TBCD: variants seen among roughly 807,000 people sequenced by gnomAD.
TBCD encodes the protein tubulin-specific chaperone D.
In TBCD, 105 loss-of-function variants were observed where a neutral mutation model predicts 169.3. The observed-to-expected ratio is 0.62, with a 90% confidence interval of 0.53 to 0.73. The LOEUF is 0.73. Among genes scored for constraint, TBCD ranks in the 30% least tolerant of loss-of-function variants. The pLI is 0.00. For synonymous variants in TBCD, 700 were observed against 643.9 expected (o/e 1.09, Z -1.32); for missense variants, 1,444 against 1,600.1 (o/e 0.90, Z 1.66).
intron 14 of TBCD, among the ~76,000 whole-genome samples, chr17:82,881,466 G>C (rs1052484885): frequency 6.6e-6 from 1 of 152,210 alleles, no homozygotes; most frequent in Non-Finnish European, 1.5e-5. Context: ...CCAGCGGGGA[G>C]AGCTGCCAGG....
intron 14 of TBCD, among the ~76,000 whole-genome samples, chr17:82,882,549 G>A (rs566066189): frequency 1.3e-5 from 2 of 152,364 alleles, no homozygotes; most frequent in East Asian, 3.9e-4. Flanking sequence ...CGAGGAGAGA[G>A]GAGCGCAGAG....
intron 19 of TBCD, among the ~76,000 whole-genome samples, chr17:82,905,361 C>T (rs373175240): frequency 1.3e-5 from 2 of 152,272 alleles, no homozygotes; most frequent in South Asian, 2.1e-4. Context: ...AGCCTCCGTC[C>T]TGTTGCCCTT....
intron 6 of TBCD, among the ~76,000 whole-genome samples, chr17:82,775,256 G>A (rs1183485227): frequency 6.6e-6 from 1 of 152,230 alleles, no homozygotes; most frequent in South Asian, 2.1e-4. Flanking sequence ...CGTCGGTGCC[G>A]TGGAGCCTTT....
In TBCD at chr17:82,752,182, C is replaced by T; in HGVS notation, c.-12C>T. 5 of 1,510,458 alleles carry T rather than the reference C, an allele frequency of 3.3e-6. No homozygotes were observed. Among genetic ancestry groups the T allele is most frequent in the Non-Finnish European group, 4.4e-6 (5 of 1,132,094 alleles). 93.6% of individuals were successfully genotyped at this position (1,510,458 alleles called of 1,614,324 possible). On this transcript the variant is annotated 5_prime_UTR_variant, in exon 1 of 39. Transcript: ENST00000355528. ...ACACGTGAGGCGGGGGCGCGGTCCC[C>T]AGGCTGCCGAGATGGCCCTGAGCGA...
intron 13 of TBCD, among the ~76,000 whole-genome samples, chr17:82,868,800 C>T (rs563806695): frequency 3.3e-5 from 5 of 152,180 alleles, no homozygotes; most frequent in Admixed American, 2.0e-4. Context: ...TGCAGATAAC[C>T]GGCCTCTCAT....
Position 82,887,164 on chromosome 17 carries a change from TGTGTGCGCGCGCGC to T in TBCD, c.1534-2502_1534-2489del, listed in dbSNP as rs770689850. 3.1e-3 allele frequency among the ~76,000 whole-genome samples: 325 copies of T among 104,518 alleles called. 3 individuals carry two copies. The highest frequency in any genetic ancestry group is 0.012 in the African/African-American group (276 of 22,250). 68.6% of individuals were successfully genotyped at this position (104,518 alleles called of 152,430 possible). The stretch of plus-strand genomic sequence containing the variant: ...GTGTGTGTGTGTGTGTGTGTGTGTG[TGTGTGCGCGCGCGC>T]GCACGTGCGCTCACGCGTTTACTTC... On this transcript the variant is annotated intron_variant, in intron 15 of 38. Coordinates refer to ENST00000355528, the MANE Select transcript of TBCD (RefSeq NM_005993.5).
At chr17:82,814,350 T>A (rs1401183351) in intron 12 of TBCD, among the ~76,000 whole-genome samples, 1 of 152,226 alleles carries the variant, frequency 6.6e-6, no homozygotes, top group Non-Finnish European at 1.5e-5. Context: ...GCGACACCAC[T>A]GTGGTGGGAA....
chr17:82,871,927 A>G (rs974295193), intron 14 of TBCD, among the ~76,000 whole-genome samples: 1 of 144,294 alleles, frequency 6.9e-6, no homozygotes, highest in Non-Finnish European at 1.5e-5. Context: ...GTTGTGAGGC[A>G]CACGCTGGTA....
At position 82,764,030 on chromosome 17, in the gene TBCD, C is replaced by G. The variant is rs2047903221; in HGVS notation, c.301C>G (p.Leu101Val). Residue 101 changes from leucine (L) to valine (V), a missense_variant, in exon 3 of 39, where the codon CTG (leucine) becomes GTG (valine). Leu to Val is a conservative substitution (Grantham distance 32). Coordinates refer to ENST00000355528, the MANE Select transcript of TBCD (RefSeq NM_005993.5). The stretch of plus-strand genomic sequence containing the variant: ...GACATCTCCAGCTTCCCTTGTACAT[C>G]TGGCTTTTAAATTTCTTTACATCAT... ...DQTSPASLVH[L>V]AFKFLYIITK... 5 of 1,613,874 alleles carry G rather than the reference C, an allele frequency of 3.1e-6. No individual in the cohort carries two copies. The highest frequency in any genetic ancestry group is 4.2e-6 in the Non-Finnish European group (5 of 1,179,810).
chr17:82,926,926 A>C, intron 28 of TBCD: 1 of 550,766 alleles, frequency 1.8e-6, no homozygotes, highest in African/African-American at 1.9e-5. Context: ...CCCTCTAGTC[A>C]GGGTGGGAAG....
chr17:82,841,354 G>A (rs1188731599), intron 13 of TBCD, among the ~76,000 whole-genome samples: 1 of 149,338 alleles, frequency 6.7e-6, no homozygotes, highest in Non-Finnish European at 1.5e-5. Flanking sequence ...GTCTTGCCCT[G>A]TCACCCAAGC....
chr17:82,784,101 G>A (rs895736261), intron 7 of TBCD, among the ~76,000 whole-genome samples: 1 of 151,864 alleles, frequency 6.6e-6, no homozygotes, highest in African/African-American at 2.4e-5. Flanking sequence ...CCCAGCCTAG[G>A]TGACAGAGCA....
intron 13 of TBCD, among the ~76,000 whole-genome samples, chr17:82,848,246 G>A (rs1426224342): frequency 2.0e-5 from 3 of 152,228 alleles, no homozygotes; most frequent in African/African-American, 7.2e-5. Context: ...CACCGTCAGA[G>A]TCAGAGGGAG....
intron 13 of TBCD, among the ~76,000 whole-genome samples, chr17:82,840,762 C>A (rs1022007730): frequency 7.9e-5 from 12 of 152,138 alleles, no homozygotes; most frequent in Non-Finnish European, 1.3e-4. Context: ...CACACCCCCC[C>A]ACCAAAACTG....
Position 82,806,002 on chromosome 17 carries a change from C to T in TBCD, c.1078C>T (p.Arg360Cys), listed in dbSNP as rs746010487. ...EDDDVPEGVE[R>C]VIEQLLVGLK... Reference sequence around the variant, plus strand: ...TGACGACGTCCCAGAGGGGGTGGAGCGTGTGATAGGTGCGTGGGGTCTAAG... The same window carrying T: ...TGACGACGTCCCAGAGGGGGTGGAGTGTGTGATAGGTGCGTGGGGTCTAAG... The change falls in exon 10 of 39, where the codon CGT becomes TGT. Residue 360 changes from arginine to cysteine, a missense_variant. Arg to Cys is a radical substitution (Grantham distance 180). Coordinates refer to ENST00000355528, the MANE Select transcript of TBCD (RefSeq NM_005993.5). The surrounding 1 kb of genome is among the most constrained non-coding windows in gnomAD (Gnocchi z 5.1). 1.1e-5 allele frequency: 18 copies of T among 1,613,548 alleles called. No homozygotes were observed. The highest frequency in any genetic ancestry group is 5.3e-5 in the African/African-American group (4 of 74,910).
chr17:82,897,532 A>C (rs1395974723), intron 17 of TBCD, among the ~76,000 whole-genome samples: 3 of 151,950 alleles, frequency 2.0e-5, no homozygotes, highest in Admixed American at 1.3e-4. Flanking sequence ...AAAAAAAAAA[A>C]AATCAGCTTT....
chr17:82,776,896 A>G (rs907503401), intron 6 of TBCD, among the ~76,000 whole-genome samples: 12 of 152,058 alleles, frequency 7.9e-5, no homozygotes, highest in African/African-American at 4.8e-5. Flanking sequence ...CAGGTATTTA[A>G]TTGGCATCAC....
intron 14 of TBCD, among the ~76,000 whole-genome samples, chr17:82,883,892 C>T (rs1287281809): frequency 1.3e-5 from 2 of 152,210 alleles, no homozygotes; most frequent in South Asian, 2.1e-4. Flanking sequence ...CCTGTGCCCT[C>T]GGTGTGCACC....
intron 6 of TBCD, among the ~76,000 whole-genome samples, chr17:82,777,910 C>T (rs903660011): frequency 2.0e-5 from 3 of 152,172 alleles, no homozygotes; most frequent in Non-Finnish European, 4.4e-5. Flanking sequence ...CTAACGCTAC[C>T]GCTAGACCAC....
Sources: allele counts gnomAD v4.1 joint callset (sites outside exome capture counted in the v4.1 genomes callset), GRCh38; gene constraint gnomAD v4.1.1; non-coding constraint Gnocchi (gnomAD v3.1); transcripts MANE v1.5; gene names NCBI Gene and HGNC (gene_info 2026-07-23, HGNC 2026-07-21).